Variants in CCNT1 observed in about 807,000 individuals in gnomAD.
CCNT1 encodes the protein cyclin T1, also known as cyclin-T1.
A neutral mutation model predicts 67.3 loss-of-function variants in CCNT1; 18 were observed. The ratio of observed to expected loss-of-function variants is 0.27; its 90% CI spans 0.18 to 0.40. CCNT1 has a LOEUF of 0.40. Ranked by LOEUF, CCNT1 falls within the 10% of genes least tolerant of loss-of-function variation. The probability of loss-of-function intolerance (pLI) is 1.00; values close to 1 mark genes in which losing one functional copy is unlikely to be tolerated. For missense variants in CCNT1, 744 were observed against 884.9 expected (o/e 0.84, Z 2.02); for synonymous variants, 333 against 310.3 (o/e 1.07, Z -0.77).
At position 48,696,005 on chromosome 12, in the gene CCNT1, A is replaced by G. The variant is rs772160687; in HGVS notation, c.700T>C (p.Leu234=). 8 of 1,614,106 alleles carry G rather than the reference A, an allele frequency of 5.0e-6. No individual in the cohort carries two copies. The highest frequency in any genetic ancestry group is 4.2e-6 in the Non-Finnish European group (5 of 1,180,000). ...YVDATVTLEL[L]DELTHEFLQI... ...CCCTTACTCTAAAACTTACCATCTA[A>G]AAGTTCCAAGGTCACAGTGGCGTCA... The change falls in exon 7 of 9, where the codon TTA becomes CTA. Residue 234 remains leucine, a synonymous_variant. Coordinates refer to ENST00000261900, the MANE Select transcript of CCNT1 (RefSeq NM_001240.4).
chr12:48,700,449 A>G (rs1276586712), intron 4 of CCNT1, among the ~76,000 whole-genome samples: 1 of 152,118 alleles, frequency 6.6e-6, no homozygotes, highest in Admixed American at 6.5e-5. Context: ...CGTACAACTC[A>G]TGAAATCTTA....
chr12:48,712,579 TAAAAAAAAAAAAAAATAAAAAAAA>T (rs1184966295), intron 2 of CCNT1, among the ~76,000 whole-genome samples: 15 of 32,926 alleles, frequency 4.6e-4, no homozygotes, highest in African/African-American at 1.3e-3. Context: ...ATCTTTTCCT[TAAAAAAAAAAAAAAATAAAAAAAA>T]AAAAAAAAAA....
At position 48,693,929 on chromosome 12, in the gene CCNT1, G is replaced by A. The variant is rs1419563073; in HGVS notation, c.1285C>T (p.His429Tyr). 5.6e-6 allele frequency: 9 copies of A among 1,614,022 alleles called. No individual in the cohort carries two copies. The highest frequency in any genetic ancestry group is 7.6e-6 in the Non-Finnish European group (9 of 1,180,042). The change falls in exon 9 of 9, where the codon CAT becomes TAT. Residue 429 changes from histidine (H) to tyrosine (Y), a missense_variant. By Grantham distance (83) the His-to-Tyr change is moderately conservative. Transcript: ENST00000261900. Reference protein sequence around the residue: ...AYAAQNLLSHHDSHSSVILKM... With the variant: ...AYAAQNLLSHYDSHSSVILKM... Reference sequence around the variant, plus strand: ...AGAATGACTGAAGAATGGCTATCATGATGAGAAAGGAGATTCTGGGCAGCA... The same window carrying A: ...AGAATGACTGAAGAATGGCTATCATAATGAGAAAGGAGATTCTGGGCAGCA...
At chr12:48,694,484 A>T in intron 8 of CCNT1, 48 bp from the exon 9 acceptor site, 1 of 1,516,248 alleles carries the variant, frequency 6.6e-7, no homozygotes, top group Non-Finnish European at 9.0e-7. Flanking sequence ...TTTACTAAAT[A>T]AAAAAACACT....
At position 48,694,192 on chromosome 12, in the gene CCNT1, AAAG is replaced by A; in HGVS notation, c.1019_1021del (p.Ser340del). ...ATGACCCTGAGTAGGTTCTAGTTTG[AAAG>A]AAGGTTGGGAGGACAGCCAACGCTT... On this transcript the variant is annotated inframe_deletion, in exon 9 of 9. Transcript: ENST00000261900. 6.2e-7 allele frequency: 1 copy of A among 1,614,224 alleles called. No homozygotes were observed. The highest frequency in any genetic ancestry group is 2.2e-5 in the East Asian group (1 of 44,884).
At chr12:48,711,732 GACT>G (rs1350487803) in intron 2 of CCNT1, among the ~76,000 whole-genome samples, 3 of 152,204 alleles carry the variant, frequency 2.0e-5, no homozygotes, top group African/African-American at 7.2e-5. Flanking sequence ...TCCAGGGCAT[GACT>G]AGAGGTACAG....
chr12:48,709,213 G>T (rs1426094002), intron 2 of CCNT1, among the ~76,000 whole-genome samples: 1 of 152,022 alleles, frequency 6.6e-6, no homozygotes, highest in Non-Finnish European at 1.5e-5. Flanking sequence ...ACTAAATTAT[G>T]GCACCACTGC....
rs3741632 is a variant in CCNT1 at position 48,693,180 on chromosome 12, G to A, written c.2034C>T (p.Pro678=). 0.6 allele frequency: 966,045 copies of A among 1,613,670 alleles called. 291,425 individuals carry two copies. Among genetic ancestry groups the A allele is most frequent in the East Asian group, 0.77 (34,633 of 44,854 alleles). The change falls in exon 9 of 9, where the codon CCC becomes CCT. Residue 678 remains proline (P), a synonymous_variant. Transcript: ENST00000261900. ...AAGGACGAACAAATTCAAATGCAGTGGGCTGAGTGGGCTGAACACCCTGGG... is the reference window on the plus strand; with the variant it reads ...AAGGACGAACAAATTCAAATGCAGTAGGCTGAGTGGGCTGAACACCCTGGG... The part of the protein sequence containing the change: ...LSAQGVQPTQ[P]TAFEFVRPYS...
chr12:48,712,158 G>A (rs1038709746), intron 2 of CCNT1, among the ~76,000 whole-genome samples: 6 of 152,054 alleles, frequency 3.9e-5, no homozygotes, highest in Non-Finnish European at 8.8e-5. Flanking sequence ...TACTGTTTCT[G>A]CCAGTTTCTT....
rs771763363 is a variant in CCNT1, at chr12:48,699,830, T to C, written c.444A>G (p.Leu148=). 3.1e-6 allele frequency: 5 copies of C among 1,603,750 alleles called. No individual in the cohort carries two copies. Among genetic ancestry groups the C allele is most frequent in the East Asian group, 2.2e-5 (1 of 44,708 alleles). ...CATGAGTATGTGGGTGATCAATTGT[T>C]AGTTCAAAGCCTTAAAAGAAAAAGT... ...SIILQTLGFE[L]TIDHPHTHVV... Residue 148 remains leucine (L), a synonymous_variant, in exon 5 of 9, where the codon CTA becomes CTG. Coordinates refer to ENST00000261900, the MANE Select transcript of CCNT1 (RefSeq NM_001240.4).
intron 6 of CCNT1, among the ~76,000 whole-genome samples, chr12:48,697,135 T>C (rs1044267981): frequency 2.6e-5 from 4 of 152,148 alleles, no homozygotes; most frequent in Non-Finnish European, 5.9e-5. Flanking sequence ...ATTTACTTTT[T>C]TTAAAAAGGG....
At position 48,702,895 on chromosome 12, in the gene CCNT1, G is replaced by A. The variant is rs145286630; in HGVS notation, c.373-1822C>T. On this transcript the variant is annotated intron_variant, in intron 3 of 8. Transcript: ENST00000261900. The stretch of plus-strand genomic sequence containing the variant: ...AACACTTTGGGAGGCCAGTATGGGA[G>A]GATTCTTTGAAGGCCAAGAGTTCAA... 5.2e-3 allele frequency among the ~76,000 whole-genome samples: 785 copies of A among 152,238 alleles called. 3 individuals carry two copies. Among genetic ancestry groups the A allele is most frequent in the African/African-American group, 0.018 (750 of 41,548 alleles).
intron 6 of CCNT1, among the ~76,000 whole-genome samples, chr12:48,697,649 T>C (rs1940193722): frequency 1.4e-5 from 2 of 147,014 alleles, no homozygotes; most frequent in Admixed American, 1.4e-4. Flanking sequence ...TAAAACCCCA[T>C]CTCTACTAAA....
Position 48,694,298 on chromosome 12 carries a change from T to C in CCNT1, c.916A>G (p.Thr306Ala). The change falls in exon 9 of 9, where the codon ACC becomes GCC. Residue 306 changes from threonine to alanine, a missense_variant. By Grantham distance (58) the Thr-to-Ala change is moderately conservative. This residue lies in a region of CCNT1 where 564 missense variants were observed against 574.2 expected (regional missense o/e 0.98). Coordinates refer to ENST00000261900, the MANE Select transcript of CCNT1 (RefSeq NM_001240.4). ...GGCAGGGAAGGCACTGCACTTGTGG[T>C]AGAAGTTGACATGCTCATTAAACCT... ...IAGLMSMSTSTTSAVPSLPVS... is the reference protein window; with the variant it reads ...IAGLMSMSTSATSAVPSLPVS... 6.2e-7 allele frequency: 1 copy of C among 1,614,202 alleles called. No individual in the cohort carries two copies. Among genetic ancestry groups the C allele is most frequent in the African/African-American group, 1.3e-5 (1 of 75,046 alleles).
rs757639576 is a variant in CCNT1 at position 48,714,455 on chromosome 12, C to T, written c.231G>A (p.Gln77=). The change falls in exon 2 of 9, where the codon CAG becomes CAA. Residue 77 remains glutamine, a synonymous_variant. Transcript: ENST00000261900. ...HRFYMIQSFT[Q]FPGNSVAPAA... is the part of the protein sequence containing the mutation. ...AAATTATACTTACATTTCCAGGGAA[C>T]TGTGTGAAGGACTGAATCATGTAGA... 6.3e-6 allele frequency: 10 copies of T among 1,591,490 alleles called. No individual in the cohort carries two copies. The highest frequency in any genetic ancestry group is 5.2e-6 in the Non-Finnish European group (6 of 1,159,638).
At chr12:48,711,084 A>T (rs1241474801) in intron 2 of CCNT1, among the ~76,000 whole-genome samples, 4 of 151,800 alleles carry the variant, frequency 2.6e-5, no homozygotes, top group Admixed American at 1.3e-4. Context: ...AAAAAAAGAT[A>T]TAACTTAAAA....
intron 4 of CCNT1, 96 bp downstream of exon 4, chr12:48,700,917 T>G: frequency 1.4e-6 from 1 of 719,676 alleles, no homozygotes; most frequent in Non-Finnish European, 2.3e-6. Flanking sequence ...CTACAAAAAC[T>G]TTCCCAAGAA....
At chr12:48,695,519 C>A (rs1365437410) in intron 8 of CCNT1, among the ~76,000 whole-genome samples, 1 of 152,096 alleles carries the variant, frequency 6.6e-6, no homozygotes, top group Admixed American at 6.6e-5. Flanking sequence ...AATACTGAAC[C>A]AGTGTTACTG....
At chr12:48,703,122 A>C (rs762217548) in intron 3 of CCNT1, among the ~76,000 whole-genome samples, 36 of 151,994 alleles carry the variant, frequency 2.4e-4, no homozygotes, top group Admixed American at 2.0e-3. Flanking sequence ...GCAGGAAAAG[A>C]AGCTCAGGGT....
Sources: gnomAD v4.1 joint callset for allele counts (sites outside exome capture counted in the v4.1 genomes callset) on GRCh38, gnomAD v4.1.1 for gene constraint, gnomAD v4.1.1 regional missense constraint, MANE v1.5 for transcripts, NCBI Gene and HGNC (gene_info 2026-07-23, HGNC 2026-07-21) for gene names.